FAM204A: variants seen among roughly 807,000 people sequenced by gnomAD.
FAM204A encodes the protein family with sequence similarity 204 member A, also known as protein FAM204A.
A neutral mutation model predicts 35.4 loss-of-function variants in FAM204A; 16 were observed. The observed-to-expected ratio is 0.45, with a 90% confidence interval of 0.31 to 0.69. FAM204A has a LOEUF of 0.69. FAM204A is among the 30% of genes least tolerant of loss of function. FAM204A has a pLI of 0.07. For synonymous variants in FAM204A, 76 were observed against 86.9 expected, an observed-to-expected ratio of 0.88 and a Z score of 0.70; for missense variants, 240 against 265.7, an observed-to-expected ratio of 0.90 and a Z score of 0.67.
chr10:118,338,484 T>C (rs1846422124), intron 2 of FAM204A, among the ~76,000 whole-genome samples: 1 of 152,234 alleles, frequency 6.6e-6, no homozygotes, highest in South Asian at 2.1e-4. Flanking sequence ...TTTGGATTTC[T>C]TAGCATCACT....
Position 118,311,322 on chromosome 10 carries a change from T to A in FAM204A, c.544-9A>T. 1 of 1,472,880 alleles carries A rather than the reference T, an allele frequency of 6.8e-7. No individual in the cohort carries two copies. Among genetic ancestry groups the A allele is most frequent in the Non-Finnish European group, 9.0e-7 (1 of 1,114,950 alleles). 91.2% of individuals were successfully genotyped at this position (1,472,880 alleles called of 1,614,324 possible). A position where few individuals can be genotyped will look rare whatever the true frequency, so the allele number is the denominator to read the frequency against. On this transcript the variant is annotated splice_polypyrimidine_tract_variant and intron_variant, in intron 7 of 8. Coordinates refer to ENST00000369183, the MANE Select transcript of FAM204A (RefSeq NM_022063.3). ...GCAATTTTTACACCAAGCTAAGAAT[T>A]ACAAAGGAGAAAAAAAAAGTGAAAA...
chr10:118,329,016 T>G (rs1227181152), intron 6 of FAM204A, among the ~76,000 whole-genome samples: 1 of 152,212 alleles, frequency 6.6e-6, no homozygotes, highest in Admixed American at 6.5e-5. Context: ...AGCTACTTGC[T>G]AATCATCTTC....
At chr10:118,312,984 T>C (rs1845976796) in intron 7 of FAM204A, among the ~76,000 whole-genome samples, 1 of 152,106 alleles carries the variant, frequency 6.6e-6, no homozygotes, top group African/African-American at 2.4e-5. Context: ...TCCAGTTCTT[T>C]ATTGTAGAAA....
chr10:118,323,007 G>C (rs1342449824), intron 7 of FAM204A, among the ~76,000 whole-genome samples: 1 of 152,100 alleles, frequency 6.6e-6, no homozygotes, highest in African/African-American at 2.4e-5. Context: ...TAACCCTGAA[G>C]ACTAGGCTTT....
Position 118,304,244 on chromosome 10 carries a change from G to C in FAM204A, c.*6613C>G, listed in dbSNP as rs1845838384. The stretch of plus-strand genomic sequence containing the variant: ...CTTCTGACCTCCAGGTTGCTACATA[G>C]AAGTGTCCATTTGACATTTCCATGG... On this transcript the variant is annotated 3_prime_UTR_variant, in exon 9 of 9. Transcript: ENST00000369183. 6.6e-6 allele frequency: 1 copy of C among 152,106 alleles called. No individual in the cohort carries two copies. Among genetic ancestry groups the C allele is most frequent in the South Asian group, 2.1e-4 (1 of 4,826 alleles). The allele number at this position is 152,106 out of a possible 1,614,324, so 9.4% of individuals were successfully genotyped here. A position where few individuals can be genotyped will look rare whatever the true frequency, so the allele number is the denominator to read the frequency against.
Position 118,302,478 on chromosome 10 carries a change from T to C in FAM204A, c.*8379A>G, listed in dbSNP as rs1235979502. The C allele has an allele frequency of 1.3e-5, 2 of 152,222 alleles. No individual in the cohort carries two copies. Among genetic ancestry groups the C allele is most frequent in the South Asian group, 2.1e-4 (1 of 4,834 alleles). The allele number at this position is 152,222 out of a possible 1,614,324, so 9.4% of individuals were successfully genotyped here. ...CTGCAAGAATTGTTGGAGCCACTTC[T>C]GGTAATATATGAATTTCATAAAAAT... On this transcript the variant is annotated 3_prime_UTR_variant, in exon 9 of 9. Transcript: ENST00000369183.
chr10:118,335,267 ACT>A, intron 5 of FAM204A, 54 bp from the exon 6 acceptor site: 1 of 1,565,426 alleles, frequency 6.4e-7, no homozygotes, highest in Non-Finnish European at 8.7e-7. Flanking sequence ...CTTTACTTTT[ACT>A]GTTTTTAATC....
At chr10:118,330,155 T>C (rs1166394619) in intron 6 of FAM204A, among the ~76,000 whole-genome samples, 1 of 152,220 alleles carries the variant, frequency 6.6e-6, no homozygotes, top group East Asian at 1.9e-4. Context: ...CTGTGCAGAA[T>C]ATTAACCATC....
rs1313662113 is a variant in FAM204A, at chr10:118,311,239, C to T, written c.618G>A (p.Gln206=). ...VKAKKEVENS[Q]AARKKKKLAW... ...CAAGTTTCTTCTTTTTTCGGGCAGC[C>T]TGTGAATTTTCAACCTCCTTTTTGG... The change falls in exon 8 of 9, where the codon CAG becomes CAA. Residue 206 remains glutamine, a synonymous_variant. Coordinates refer to ENST00000369183, the MANE Select transcript of FAM204A (RefSeq NM_022063.3). The T allele has an allele frequency of 6.2e-7, 1 of 1,611,092 alleles. No homozygotes were observed. Among genetic ancestry groups the T allele is most frequent in the Non-Finnish European group, 8.5e-7 (1 of 1,179,470 alleles).
intron 7 of FAM204A, among the ~76,000 whole-genome samples, chr10:118,314,050 C>A (rs143894522): frequency 2.8e-4 from 42 of 152,322 alleles, no homozygotes; most frequent in Non-Finnish European, 5.3e-4. Context: ...TCCAGCACAA[C>A]TAGCATCACA....
In FAM204A at chr10:118,303,662, A is replaced by C. The variant is rs1166974746; in HGVS notation, c.*7195T>G. ...CCCTGTCTCTACTAAAAATACAAAA[A>C]TTAGCTGGGCGTGGTGGTGCATGCC... is the stretch of plus-strand genomic sequence containing the variant. On this transcript the variant is annotated 3_prime_UTR_variant, in exon 9 of 9. Transcript: ENST00000369183. 6.6e-6 allele frequency: 1 copy of C among 152,290 alleles called. No individual in the cohort carries two copies. The highest frequency in any genetic ancestry group is 2.4e-5 in the African/African-American group (1 of 41,412). 9.4% of individuals were successfully genotyped at this position (152,290 alleles called of 1,614,324 possible). A position where few individuals can be genotyped will look rare whatever the true frequency, so the allele number is the denominator to read the frequency against.
rs1845891910 is a variant in FAM204A at position 118,307,982 on chromosome 10, GA to G, written c.*2874del. The G allele has an allele frequency of 6.6e-6, 1 of 152,178 alleles. No homozygotes were observed. Among genetic ancestry groups the G allele is most frequent in the South Asian group, 2.1e-4 (1 of 4,834 alleles). 9.4% of individuals were successfully genotyped at this position (152,178 alleles called of 1,614,324 possible). ...GCTGAGGTATTTAACTCTGTCATCA[GA>G]ACTAATTATAGCAAACCTAAGATTA... On this transcript the variant is annotated 3_prime_UTR_variant, in exon 9 of 9. Coordinates refer to ENST00000369183, the MANE Select transcript of FAM204A (RefSeq NM_022063.3).
intron 6 of FAM204A, among the ~76,000 whole-genome samples, chr10:118,330,166 G>A (rs555367079): frequency 2.8e-4 from 42 of 152,084 alleles, no homozygotes; most frequent in Non-Finnish European, 5.9e-4. Context: ...ATTAACCATC[G>A]CCTCAAATGT....
At chr10:118,317,842 C>T (rs905645587) in intron 7 of FAM204A, among the ~76,000 whole-genome samples, 7 of 151,912 alleles carry the variant, frequency 4.6e-5, no homozygotes, top group African/African-American at 1.4e-4. Flanking sequence ...AGATAATGTG[C>T]GGAATACAAA....
rs575012454 is a variant in FAM204A, at chr10:118,308,631, G to A, written c.*2226C>T. The A allele has an allele frequency of 6.6e-6, 1 of 152,214 alleles. No homozygotes were observed. The highest frequency in any genetic ancestry group is 6.5e-5 in the Admixed American group (1 of 15,288). The allele number at this position is 152,214 out of a possible 1,614,324, so 9.4% of individuals were successfully genotyped here. A position where few individuals can be genotyped will look rare whatever the true frequency, so the allele number is the denominator to read the frequency against. On this transcript the variant is annotated 3_prime_UTR_variant, in exon 9 of 9. Coordinates refer to ENST00000369183, the MANE Select transcript of FAM204A (RefSeq NM_022063.3). ...TTGGGAGAAGTGGCTTCCTTTATTA[G>A]ATGAGCCCCCGCTATACTTAATTCT...
At chr10:118,317,031 C>G (rs1022515136) in intron 7 of FAM204A, among the ~76,000 whole-genome samples, 1 of 152,012 alleles carries the variant, frequency 6.6e-6, no homozygotes. Context: ...TTTTAAAGAA[C>G]TGTAGTACTG....
chr10:118,341,991 T>A (rs1846491886), intron 1 of FAM204A, 64 bp from the exon 2 acceptor site: 2 of 152,160 alleles, frequency 1.3e-5, no homozygotes, highest in Admixed American at 1.3e-4. Flanking sequence ...GCCTCCTCAA[T>A]CCCCTCTCAC....
chr10:118,341,568 G>T (rs1846483507), intron 2 of FAM204A, among the ~76,000 whole-genome samples, 159 bp downstream of exon 2: 1 of 152,176 alleles, frequency 6.6e-6, no homozygotes, highest in Admixed American at 6.5e-5. Flanking sequence ...TATTTAGCAA[G>T]ATTTTGCATG....
At chr10:118,336,160 G>C in intron 3 of FAM204A, 22 bp downstream of exon 3, 3 of 1,606,728 alleles carry the variant, frequency 1.9e-6, no homozygotes, top group Non-Finnish European at 2.6e-6. Context: ...GCTGTAGCAA[G>C]AGCATTTCAG....
Sources: gnomAD v4.1 joint callset for allele counts (sites outside exome capture counted in the v4.1 genomes callset) on GRCh38, gnomAD v4.1.1 for gene constraint, MANE v1.5 for transcripts, NCBI Gene and HGNC (gene_info 2026-07-23, HGNC 2026-07-21) for gene names.